LMNTD1: variants seen among roughly 807,000 people sequenced by gnomAD.
LMNTD1 encodes the protein lamin tail domain-containing protein 1.
A neutral mutation model predicts 50.9 loss-of-function variants in LMNTD1; 35 were observed. The observed-to-expected ratio is 0.69, with a 90% CI of 0.53 to 0.91. LMNTD1 has a LOEUF of 0.91. Among genes scored for constraint, LMNTD1 ranks in the 40% least tolerant of loss-of-function variants. The pLI, the probability that LMNTD1 is intolerant of heterozygous loss-of-function variation, is 0.00. For missense variants in LMNTD1, 470 were observed against 475.5 expected, an observed-to-expected ratio of 0.99 and a Z score of 0.11; for synonymous variants, 153 against 161.9, an observed-to-expected ratio of 0.94 and a Z score of 0.42.
chr12:25,493,900 G>A (rs1938972735), intron 9 of LMNTD1, among the ~76,000 whole-genome samples: 1 of 152,030 alleles, frequency 6.6e-6, no homozygotes, highest in South Asian at 2.1e-4. Flanking sequence ...TGTTTCTTAG[G>A]CCACTCACCC....
intron 4 of LMNTD1, among the ~76,000 whole-genome samples, chr12:25,528,089 T>C (rs1941944091): frequency 6.6e-6 from 1 of 152,126 alleles, no homozygotes; most frequent in Non-Finnish European, 1.5e-5. Flanking sequence ...AGTCCCCAAG[T>C]ATTTTGGTGA....
At chr12:25,581,107 G>A (rs1193262507) in intron 1 of LMNTD1, among the ~76,000 whole-genome samples, 1 of 152,168 alleles carries the variant, frequency 6.6e-6, no homozygotes, top group Admixed American at 6.5e-5. Context: ...ATATTTCCTG[G>A]AAGCATCCTG....
chr12:25,622,463 G>GGCCAC (rs1946491734), intron 1 of LMNTD1, among the ~76,000 whole-genome samples: 1 of 111,154 alleles, frequency 9.0e-6, no homozygotes, highest in Admixed American at 9.9e-5. Context: ...GAGTTTGTGA[G>GGCCAC]CCCGCCCCCC....
intron 3 of LMNTD1, chr12:25,547,375 T>C (rs1477301214): frequency 6.5e-6 from 1 of 153,460 alleles, no homozygotes; most frequent in East Asian, 1.9e-4. Flanking sequence ...AAAGATACCA[T>C]CACCACCTTG....
At chr12:25,615,380 C>T (rs917400217) in intron 1 of LMNTD1, among the ~76,000 whole-genome samples, 15 of 152,208 alleles carry the variant, frequency 9.9e-5, no homozygotes, top group African/African-American at 3.6e-4. Flanking sequence ...GAACTCCAAG[C>T]CAGAGAAGGT....
At position 25,535,307 on chromosome 12, in the gene LMNTD1, C is replaced by A. The variant is rs190349989; in HGVS notation, c.492-8352G>T. On this transcript the variant is annotated intron_variant, in intron 4 of 9. Coordinates refer to ENST00000458174, the MANE Select transcript of LMNTD1 (RefSeq NM_001145728.2). ...CATAAAAAGATAAAAAATAACAGAG[C>A]ATTAGTAAACTATGGTACAACTTCA... Among the ~76,000 whole-genome samples, 4 of 151,832 alleles carry A rather than the reference C, an allele frequency of 2.6e-5. No individual in the cohort carries two copies. The East Asian group carries it at 7.7e-4, about 29-fold the overall frequency.
intron 1 of LMNTD1, among the ~76,000 whole-genome samples, chr12:25,634,422 T>C (rs1435899103): frequency 1.3e-5 from 2 of 152,148 alleles, no homozygotes; most frequent in African/African-American, 2.4e-5. Context: ...TGAACATAGA[T>C]GCTAAAATCC....
At chr12:25,595,249 T>G (rs1464373357) in intron 1 of LMNTD1, among the ~76,000 whole-genome samples, 6 of 152,106 alleles carry the variant, frequency 3.9e-5, no homozygotes, top group Admixed American at 3.3e-4. Context: ...GTATAGAGAA[T>G]ATTTTACCCA....
chr12:25,622,811 T>G (rs1181834227), intron 1 of LMNTD1, among the ~76,000 whole-genome samples: 1 of 152,060 alleles, frequency 6.6e-6, no homozygotes, highest in East Asian at 1.9e-4. Context: ...AAAAGGGTCC[T>G]GAGTAGGTAA....
At position 25,519,887 on chromosome 12, in the gene LMNTD1, C is replaced by T; in HGVS notation, c.987G>A (p.Gln329=). 1 of 1,611,434 alleles carries T rather than the reference C, an allele frequency of 6.2e-7. No homozygotes were observed. The highest frequency in any genetic ancestry group is 2.2e-5 in the East Asian group (1 of 44,806). ...DQPKKDISNY[Q]VEQAQVLLKR... The stretch of plus-strand genomic sequence containing the variant: ...TAAGAAGAACTTGAGCTTGTTCCAC[C>T]TGATAATTTGAGATATCTTTCTTAG... The change falls in exon 7 of 10, where the codon CAG becomes CAA. Residue 329 remains glutamine (Q), a synonymous_variant. Transcript: ENST00000458174.
chr12:25,620,744 C>A (rs1339526661), intron 1 of LMNTD1, among the ~76,000 whole-genome samples: 3 of 152,188 alleles, frequency 2.0e-5, no homozygotes, highest in African/African-American at 7.2e-5. Context: ...CTCCTAAAGC[C>A]TCCTGTGGAT....
At chr12:25,581,949 G>T (rs566909836) in intron 1 of LMNTD1, among the ~76,000 whole-genome samples, 6 of 152,290 alleles carry the variant, frequency 3.9e-5, no homozygotes, top group Admixed American at 3.9e-4. Flanking sequence ...ATCATTGATC[G>T]AAAGATCTTT....
intron 1 of LMNTD1, among the ~76,000 whole-genome samples, chr12:25,573,829 C>G (rs2136372192): frequency 1.3e-5 from 2 of 152,226 alleles, no homozygotes; most frequent in Non-Finnish European, 2.9e-5. Context: ...CATGAGTCTC[C>G]CTGTCTCATG....
At chr12:25,642,458 C>A (rs1361883977) in intron 1 of LMNTD1, among the ~76,000 whole-genome samples, 2 of 152,064 alleles carry the variant, frequency 1.3e-5, no homozygotes, top group Admixed American at 1.3e-4. Context: ...AGAACCCAAC[C>A]ATGCTGCACT....
chr12:25,529,370 T>A (rs1011488157), intron 4 of LMNTD1, among the ~76,000 whole-genome samples: 1 of 152,142 alleles, frequency 6.6e-6, no homozygotes, highest in Admixed American at 6.6e-5. Flanking sequence ...CTACTGAGCT[T>A]CGGATCCACA....
chr12:25,634,334 A>G (rs1009564801), intron 1 of LMNTD1, among the ~76,000 whole-genome samples: 1 of 152,222 alleles, frequency 6.6e-6, no homozygotes, highest in Non-Finnish European at 1.5e-5. Flanking sequence ...AATTCATTCT[A>G]TGAAGCCAGC....
At chr12:25,511,347 A>G (rs1940276913) in intron 8 of LMNTD1, among the ~76,000 whole-genome samples, 1 of 152,186 alleles carries the variant, frequency 6.6e-6, no homozygotes, top group Admixed American at 6.5e-5. Context: ...AAGGAAAAGG[A>G]GTAGAGAAAG....
intron 8 of LMNTD1, 48 bp downstream of exon 8, chr12:25,518,747 A>C: frequency 5.9e-6 from 9 of 1,515,316 alleles, no homozygotes; most frequent in Non-Finnish European, 8.2e-6. Flanking sequence ...ACACATGTGC[A>C]TGCACACACA....
At chr12:25,627,430 C>T (rs1182296517) in intron 1 of LMNTD1, among the ~76,000 whole-genome samples, 2 of 152,178 alleles carry the variant, frequency 1.3e-5, no homozygotes, top group African/African-American at 4.8e-5. Context: ...ATCAGTTCTT[C>T]TCATGGGTCA....
Sources: allele counts gnomAD v4.1 joint callset (sites outside exome capture counted in the v4.1 genomes callset), GRCh38; gene constraint gnomAD v4.1.1; transcripts MANE v1.5; gene names NCBI Gene and HGNC (gene_info 2026-07-23, HGNC 2026-07-21).